The following IQGAP1 variants were observed in gnomAD, a reference collection of about 807,000 sequenced individuals.
IQGAP1 encodes the protein ras GTPase-activating-like protein IQGAP1.
In IQGAP1, 66 loss-of-function variants were observed where a neutral mutation model predicts 215.6. The observed-to-expected ratio is 0.31, with a 90% CI of 0.25 to 0.38. The LOEUF (loss-of-function observed/expected upper bound fraction) is 0.38, where lower values mean the gene tolerates loss of function less well. Ranked by LOEUF, IQGAP1 falls within the 10% of genes least tolerant of loss-of-function variation. The probability of loss-of-function intolerance (pLI) is 1.00; values close to 1 mark genes in which losing one functional copy is unlikely to be tolerated. For missense variants in IQGAP1, 1,712 were observed against 1,997.1 expected, an observed-to-expected ratio of 0.86 and a Z score of 2.72; for synonymous variants, 772 against 728.7, an observed-to-expected ratio of 1.06 and a Z score of -0.96.
In IQGAP1 at chr15:90,441,492, GT is replaced by G. The variant is rs371210081; in HGVS notation, c.650-3del. The G allele has an allele frequency of 0.018, 20,017 of 1,085,386 alleles. 29 individuals are homozygous for G. The highest frequency in any genetic ancestry group is 0.046 in the African/African-American group (2,824 of 60,822). 67.2% of individuals were successfully genotyped at this position (1,085,386 alleles called of 1,614,324 possible). On this transcript the variant is annotated splice_polypyrimidine_tract_variant and intron_variant, in intron 7 of 37. Coordinates refer to ENST00000268182, the MANE Select transcript of IQGAP1 (RefSeq NM_003870.4). ...AGTGTTTTTGTTGGTTTGTTTTTTTGTTTTTTTTTTTAGTACATGCTGCTGT... is the reference window on the plus strand; with the variant it reads ...AGTGTTTTTGTTGGTTTGTTTTTTTGTTTTTTTTTTAGTACATGCTGCTGT...
At chr15:90,398,663 C>G (rs377360873) in intron 2 of IQGAP1, among the ~76,000 whole-genome samples, 1 of 152,106 alleles carries the variant, frequency 6.6e-6, no homozygotes, top group Non-Finnish European at 1.5e-5. Context: ...TGTTAGCTTA[C>G]AGTTGGACAA....
intron 2 of IQGAP1, among the ~76,000 whole-genome samples, chr15:90,421,044 G>A (rs946905822): frequency 1.3e-5 from 2 of 152,152 alleles, no homozygotes; most frequent in African/African-American, 4.8e-5. Context: ...AGAGGAGACG[G>A]GAGAATTGCT....
rs773407495 is a variant in IQGAP1, at chr15:90,497,350, C to T, written c.4860+10C>T. ...TATGTTACATTATCAGGTGGGTATG[C>T]ACCAGCAGGAACCAAAAACTTTCTG... On this transcript the variant is annotated intron_variant, in intron 37 of 37. Coordinates refer to ENST00000268182, the MANE Select transcript of IQGAP1 (RefSeq NM_003870.4). 1.2e-5 allele frequency: 18 copies of T among 1,448,094 alleles called. No homozygotes were observed. The highest frequency in any genetic ancestry group is 1.6e-5 in the Non-Finnish European group (17 of 1,036,428). The allele number at this position is 1,448,094 out of a possible 1,614,324, so 89.7% of individuals were successfully genotyped here.
intron 2 of IQGAP1, 41 bp downstream of exon 2, chr15:90,390,914 A>G: frequency 8.5e-7 from 1 of 1,169,798 alleles, no homozygotes. Flanking sequence ...AGAGAAGGGA[A>G]CTGATAATAG....
chr15:90,472,372 A>G (rs1325800296), intron 18 of IQGAP1, among the ~76,000 whole-genome samples: 1 of 152,192 alleles, frequency 6.6e-6, no homozygotes, highest in Non-Finnish European at 1.5e-5. Context: ...CCTCTAGGCT[A>G]CTTTTCAAGA....
At chr15:90,421,462 C>T (rs184213974) in intron 2 of IQGAP1, among the ~76,000 whole-genome samples, 4 of 142,294 alleles carry the variant, frequency 2.8e-5, no homozygotes, top group African/African-American at 7.9e-5. Context: ...GGCAACAGAG[C>T]GAGACTCCGT....
intron 9 of IQGAP1, among the ~76,000 whole-genome samples, chr15:90,447,092 C>T (rs1965537258): frequency 6.6e-6 from 1 of 152,130 alleles, no homozygotes; most frequent in South Asian, 2.1e-4. Context: ...TCCTTGAGGA[C>T]AGGATATTTG....
chr15:90,467,484 A>T lies in IQGAP1; in HGVS notation c.2070A>T (p.Val690=). The T allele has an allele frequency of 6.2e-7, 1 of 1,612,808 alleles. No homozygotes were observed. Among genetic ancestry groups the T allele is most frequent in the Non-Finnish European group, 8.5e-7 (1 of 1,179,468 alleles). Reference sequence around the variant, plus strand: ...ACAGCAAGTGGGTGAAGCACTGGGTAAAAGGTGGATATTATTATTACCACA... The same window carrying T: ...ACAGCAAGTGGGTGAAGCACTGGGTTAAAGGTGGATATTATTATTACCACA... The part of the protein sequence containing the change: ...DNNSKWVKHW[V]KGGYYYYHNL... The change falls in exon 18 of 38, where the codon GTA becomes GTT. Residue 690 remains valine, a synonymous_variant. Transcript: ENST00000268182.
intron 16 of IQGAP1, 54 bp from the exon 17 acceptor site, chr15:90,466,215 T>C: frequency 6.3e-7 from 1 of 1,591,002 alleles, no homozygotes; most frequent in Admixed American, 1.7e-5. Context: ...TGAAGCAGTA[T>C]GTGAATTTAG....
intron 4 of IQGAP1, chr15:90,431,302 A>G (rs923812679): frequency 5.3e-5 from 8 of 151,974 alleles, no homozygotes; most frequent in Non-Finnish European, 1.0e-4. Flanking sequence ...CAGTACGTCA[A>G]GTTCTTACAG....
chr15:90,396,020 AC>A (rs368628298), intron 2 of IQGAP1, among the ~76,000 whole-genome samples: 17 of 152,314 alleles, frequency 1.1e-4, no homozygotes, highest in African/African-American at 4.1e-4. Context: ...GAAGGTAGGA[AC>A]GCTGGCTGGT....
chr15:90,407,813 C>G (rs1964900848), intron 2 of IQGAP1, among the ~76,000 whole-genome samples: 1 of 152,132 alleles, frequency 6.6e-6, no homozygotes, highest in Non-Finnish European at 1.5e-5. Context: ...CTCCATTGTT[C>G]AGGACACTCT....
Position 90,483,385 on chromosome 15 carries a change from C to T in IQGAP1, c.3580C>T (p.Arg1194Ter), listed in dbSNP as rs1441402786. The change falls in exon 29 of 38, where the codon CGA becomes TGA. Residue 1194 changes from arginine to a stop codon, truncating the protein, a stop_gained. Transcript: ENST00000268182. LOFTEE classifies it high-confidence loss of function. ...LKIIGNLLYY[R>*]YMNPAIVAPD... ...GATTATTGGTAACTTGCTTTATTAT[C>T]GATACATGAATCCAGCCATTGTTGC... The T allele has an allele frequency of 2.5e-6, 4 of 1,613,598 alleles. No homozygotes were observed. Among genetic ancestry groups the T allele is most frequent in the Non-Finnish European group, 2.5e-6 (3 of 1,179,722 alleles).
At chr15:90,395,437 C>T (rs1421840062) in intron 2 of IQGAP1, among the ~76,000 whole-genome samples, 1 of 152,138 alleles carries the variant, frequency 6.6e-6, no homozygotes, top group Non-Finnish European at 1.5e-5. Context: ...TCTCCTGGCT[C>T]AGCCTCCCGA....
chr15:90,426,179 G>T lies in IQGAP1; in HGVS notation c.225G>T (p.Gly75=), dbSNP rs753624955. The T allele has an allele frequency of 3.7e-6, 6 of 1,600,476 alleles. No individual in the cohort carries two copies. The East Asian group carries it at 1.4e-4, about 37-fold the overall frequency. ...TTELEEGLRN[G]VYLAKLGNFF... ...AACTGGAGGAGGGGCTTAGGAATGG[G>T]GTCTACCTTGCCAAACTGGGGAACT... The change falls in exon 3 of 38, where the codon GGG becomes GGT. Residue 75 remains glycine (G), a synonymous_variant. Coordinates refer to ENST00000268182, the MANE Select transcript of IQGAP1 (RefSeq NM_003870.4).
intron 2 of IQGAP1, among the ~76,000 whole-genome samples, chr15:90,406,433 G>A (rs1261230097): frequency 6.6e-6 from 1 of 152,254 alleles, no homozygotes; most frequent in Non-Finnish European, 1.5e-5. Flanking sequence ...CCAGTGCTGG[G>A]ATTAGAGGCG....
chr15:90,468,521 T>G (rs764494976), intron 18 of IQGAP1, among the ~76,000 whole-genome samples: 1 of 152,198 alleles, frequency 6.6e-6, no homozygotes, highest in African/African-American at 2.4e-5. Flanking sequence ...TTGTACTGAT[T>G]GTTGGTATCA....
intron 23 of IQGAP1, among the ~76,000 whole-genome samples, chr15:90,476,002 C>G (rs1214488030): frequency 6.6e-6 from 1 of 151,984 alleles, no homozygotes; most frequent in Non-Finnish European, 1.5e-5. Context: ...GTGGCATGAT[C>G]ATGACTCACT....
At chr15:90,485,227 G>T (rs1302695507) in intron 30 of IQGAP1, among the ~76,000 whole-genome samples, 1 of 152,098 alleles carries the variant, frequency 6.6e-6, no homozygotes, top group Non-Finnish European at 1.5e-5. Context: ...GGCATCACTG[G>T]GGATAATGGC....
Sources: gnomAD v4.1 joint callset for allele counts (sites outside exome capture counted in the v4.1 genomes callset) on GRCh38, gnomAD v4.1.1 for gene constraint, MANE v1.5 for transcripts, NCBI Gene and HGNC (gene_info 2026-07-23, HGNC 2026-07-21) for gene names.